Variants in GAN observed in about 807,000 individuals in gnomAD.
GAN encodes the protein epididymis secretory sperm binding protein.
GAN carries 48 observed loss-of-function variants against 71.3 expected under a neutral mutation model. That is an observed-to-expected ratio of 0.67 (90% confidence interval 0.53 to 0.86). The LOEUF is 0.86. GAN is among the 40% of genes least tolerant of loss of function. The probability of loss-of-function intolerance (pLI) is 0.00; values close to 1 mark genes in which losing one functional copy is unlikely to be tolerated. For missense variants in GAN, 928 were observed against 770.1 expected (o/e 1.21, Z -2.43); for synonymous variants, 386 against 276.8 (o/e 1.39, Z -3.92).
intron 5 of GAN, among the ~76,000 whole-genome samples, chr16:81,359,968 A>G (rs1387683000): frequency 6.6e-6 from 1 of 152,194 alleles, no homozygotes; most frequent in Non-Finnish European, 1.5e-5. Flanking sequence ...AAAACTTCAG[A>G]TAAGGGGTAG....
intron 1 of GAN, among the ~76,000 whole-genome samples, chr16:81,337,952 C>G (rs916608465): frequency 6.6e-6 from 1 of 152,138 alleles, no homozygotes. Flanking sequence ...TAGGGTAGGT[C>G]TCAGGGCTGA....
At chr16:81,369,534 T>G (rs1910967846) in intron 9 of GAN, among the ~76,000 whole-genome samples, 1 of 152,264 alleles carries the variant, frequency 6.6e-6, no homozygotes, top group Non-Finnish European at 1.5e-5. Flanking sequence ...CCTTTTACTT[T>G]GGGTTTCTTT....
At chr16:81,326,717 C>G (rs1218196575) in intron 1 of GAN, among the ~76,000 whole-genome samples, 2 of 152,238 alleles carry the variant, frequency 1.3e-5, no homozygotes, top group African/African-American at 4.8e-5. Flanking sequence ...TCTGTTGCTT[C>G]TAGGCCACAG....
Position 81,356,861 on chromosome 16 carries a change from A to G in GAN, c.710A>G (p.Asn237Ser), listed in dbSNP as rs1910503266. ...AGTTATTTACGGGAACAGATGCTGA[A>G]TGAACCATTAGTACGAGAAATTGTC... ...DSSYLREQMLNEPLVREIVKE... is the reference protein window; with the variant it reads ...DSSYLREQMLSEPLVREIVKE... The change falls in exon 4 of 11, where the codon AAT becomes AGT. Residue 237 changes from asparagine to serine, a missense_variant. Physicochemically the swap from Asn to Ser is conservative, Grantham distance 46. Transcript: ENST00000648994. The G allele has an allele frequency of 6.2e-7, 1 of 1,613,812 alleles. No homozygotes were observed. Among genetic ancestry groups the G allele is most frequent in the Non-Finnish European group, 8.5e-7 (1 of 1,179,686 alleles).
At chr16:81,315,818 A>G (rs1017073187) in intron 1 of GAN, among the ~76,000 whole-genome samples, 1 of 152,270 alleles carries the variant, frequency 6.6e-6, no homozygotes, top group Non-Finnish European at 1.5e-5. Context: ...CCAGACAGAC[A>G]GCGCCTCGCT....
chr16:81,334,347 C>T (rs75300128), intron 1 of GAN, among the ~76,000 whole-genome samples: 3,225 of 152,186 alleles, frequency 0.021, 60 homozygotes, highest in East Asian at 0.085. Flanking sequence ...GGTGGGTCTC[C>T]GTCACCTTCA....
rs774361148 is a variant in GAN at position 81,315,326 on chromosome 16, G to A, written c.167+46G>A. 66 of 1,333,784 alleles carry A rather than the reference G, an allele frequency of 4.9e-5. 1 individual carries two copies. The highest frequency in any genetic ancestry group is 7.7e-5 in the Admixed American group (2 of 25,878). 82.6% of individuals were successfully genotyped at this position (1,333,784 alleles called of 1,614,324 possible). On this transcript the variant is annotated intron_variant, in intron 1 of 10. Coordinates refer to ENST00000648994, the MANE Select transcript of GAN (RefSeq NM_022041.4). ...GGCGGGCGCGGCGGTGCTGCCCGGA[G>A]CCGGAGGCGGGGCGGCCGGGCCGGG... is the stretch of plus-strand genomic sequence containing the variant.
chr16:81,320,878 A>AT (rs910279736), intron 1 of GAN, among the ~76,000 whole-genome samples: 34 of 152,050 alleles, frequency 2.2e-4, no homozygotes, highest in African/African-American at 8.2e-4. Context: ...GAAGGTCTTG[A>AT]TAGTTTAATG....
chr16:81,350,888 C>T (rs1910278721), intron 1 of GAN, among the ~76,000 whole-genome samples: 1 of 152,120 alleles, frequency 6.6e-6, no homozygotes, highest in Non-Finnish European at 1.5e-5. Flanking sequence ...TTTGCAATAT[C>T]GAAAACCTGG....
At chr16:81,358,075 C>A in intron 5 of GAN, 144 bp downstream of exon 5, 1 of 761,262 alleles carries the variant, frequency 1.3e-6, no homozygotes, top group Non-Finnish European at 2.3e-6. Context: ...GCTTCTGAGA[C>A]CGTGGTTAGG....
In GAN at chr16:81,378,470, C is replaced by G. The variant is rs1904289763; in HGVS notation, c.*874C>G. ...TTATAAAAGAAAGACCTGAGTCAGA[C>G]AAATAATAAAGGTCTGCTGTGGCTA... On this transcript the variant is annotated 3_prime_UTR_variant, in exon 11 of 11. Coordinates refer to ENST00000648994, the MANE Select transcript of GAN (RefSeq NM_022041.4). 3 of 152,036 alleles carry G rather than the reference C, an allele frequency of 2.0e-5. No homozygotes were observed. In the South Asian group the frequency reaches 6.2e-4, roughly 32 times the overall value. 9.4% of individuals were successfully genotyped at this position (152,036 alleles called of 1,614,324 possible).
At chr16:81,358,819 C>T (rs968966864) in intron 5 of GAN, among the ~76,000 whole-genome samples, 8 of 152,170 alleles carry the variant, frequency 5.3e-5, no homozygotes, top group African/African-American at 9.7e-5. Flanking sequence ...GTCTTTTCGC[C>T]GTGGTCCTGC....
chr16:81,344,415 C>G (rs989680211), intron 1 of GAN, among the ~76,000 whole-genome samples: 3 of 152,126 alleles, frequency 2.0e-5, no homozygotes, highest in African/African-American at 7.2e-5. Context: ...TGGTACCAAA[C>G]AGATATATAG....
At chr16:81,357,753 T>G (rs1910538240) in intron 4 of GAN, 57 bp from the exon 5 acceptor site, 1 of 1,517,424 alleles carries the variant, frequency 6.6e-7, no homozygotes, top group Admixed American at 1.7e-5. Flanking sequence ...TGATGGCTAC[T>G]TATAAAAAGA....
At position 81,387,053 on chromosome 16, in the gene GAN, A is replaced by G. The variant is rs1252493900; in HGVS notation, c.*9457A>G. On this transcript the variant is annotated 3_prime_UTR_variant, in exon 11 of 11. Coordinates refer to ENST00000648994, the MANE Select transcript of GAN (RefSeq NM_022041.4). The stretch of plus-strand genomic sequence containing the variant: ...TTGGCAAGAACGGATCTTTGGCAAG[A>G]TCACTTAAGGTGAGCTACTCTAGCA... The G allele has an allele frequency of 3.9e-5, 6 of 152,216 alleles. No individual in the cohort carries two copies. The highest frequency in any genetic ancestry group is 3.9e-4 in the Admixed American group (6 of 15,272). The allele number at this position is 152,216 out of a possible 1,614,324, so 9.4% of individuals were successfully genotyped here.
In GAN at chr16:81,390,457, T is replaced by C. The variant is rs756771177; in HGVS notation, c.*12861T>C. On this transcript the variant is annotated 3_prime_UTR_variant, in exon 11 of 11. Transcript: ENST00000648994. Reference sequence around the variant, plus strand: ...AAAGGATTTGTTAACCTAAATTAAGTAGCACGCACTTTGTTTACATGCTTC... The same window carrying C: ...AAAGGATTTGTTAACCTAAATTAAGCAGCACGCACTTTGTTTACATGCTTC... 1 of 152,250 alleles carries C rather than the reference T, an allele frequency of 6.6e-6. No homozygotes were observed. The highest frequency in any genetic ancestry group is 1.5e-5 in the Non-Finnish European group (1 of 68,036). The allele number at this position is 152,250 out of a possible 1,614,324, so 9.4% of individuals were successfully genotyped here.
At chr16:81,319,300 A>G (rs1228590248) in intron 1 of GAN, among the ~76,000 whole-genome samples, 2 of 150,764 alleles carry the variant, frequency 1.3e-5, no homozygotes, top group African/African-American at 2.4e-5. Flanking sequence ...TTTCTCATCA[A>G]CTCTGAGACC....
chr16:81,348,959 C>G (rs1387053149), intron 1 of GAN, among the ~76,000 whole-genome samples: 1 of 152,114 alleles, frequency 6.6e-6, no homozygotes, highest in Non-Finnish European at 1.5e-5. Flanking sequence ...TCTGTTAACC[C>G]TCTCAGTTAC....
chr16:81,315,301 G>C, intron 1 of GAN, 21 bp downstream of exon 1: 1 of 1,490,580 alleles, frequency 6.7e-7, no homozygotes, highest in East Asian at 2.9e-5. Context: ...GGCTACGGCG[G>C]GCGGGCGCGG....
Sources: gnomAD v4.1 joint callset for allele counts (sites outside exome capture counted in the v4.1 genomes callset) on GRCh38, gnomAD v4.1.1 for gene constraint, MANE v1.5 for transcripts, NCBI Gene and HGNC (gene_info 2026-07-23, HGNC 2026-07-21) for gene names.